SHISA9: variants seen among roughly 807,000 people sequenced by gnomAD.
SHISA9 encodes shisa family member 9, also known as protein shisa-9.
A neutral mutation model predicts 38.0 loss-of-function variants in SHISA9; 13 were observed. That is an observed-to-expected ratio of 0.34 (90% confidence interval 0.22 to 0.54). SHISA9 has a LOEUF of 0.54. Among genes scored for constraint, SHISA9 ranks in the 20% least tolerant of loss-of-function variants. The pLI is 0.91. For missense variants in SHISA9, 538 were observed against 575.8 expected, an observed-to-expected ratio of 0.93 and a Z score of 0.67; for synonymous variants, 275 against 242.0, an observed-to-expected ratio of 1.14 and a Z score of -1.27.
chr16:13,481,796 TG>T, the SHISA9 span, among the ~76,000 whole-genome samples: 1,915 of 152,262 alleles, frequency 0.013, 41 homozygotes, highest in African/African-American at 0.044. Flanking sequence ...CAAATAACAC[TG>T]AAAATGGAAG....
At chr16:13,466,051 G>A in the SHISA9 span, among the ~76,000 whole-genome samples, 15 of 152,294 alleles carry the variant, frequency 9.8e-5, no homozygotes, top group African/African-American at 2.4e-4. Context: ...GTGGATTGGG[G>A]GATGTGCACC....
chr16:13,299,312 G>A, the SHISA9 span, among the ~76,000 whole-genome samples: 3 of 152,052 alleles, frequency 2.0e-5, no homozygotes, highest in East Asian at 1.9e-4. Flanking sequence ...TTCACTCTTC[G>A]CAATCCAATG....
At chr16:13,253,523 A>G in the SHISA9 span, among the ~76,000 whole-genome samples, 2 of 152,306 alleles carry the variant, frequency 1.3e-5, no homozygotes, top group East Asian at 3.9e-4. Flanking sequence ...GGTAGAAGGT[A>G]AAAAAGAAGC....
chr16:13,484,866 C>T, the SHISA9 span, among the ~76,000 whole-genome samples: 1 of 152,152 alleles, frequency 6.6e-6, no homozygotes, highest in Non-Finnish European at 1.5e-5. Context: ...ACGTCCACTC[C>T]CATGATCCAA....
chr16:13,352,839 G>A, the SHISA9 span, among the ~76,000 whole-genome samples: 1 of 151,822 alleles, frequency 6.6e-6, no homozygotes, highest in Non-Finnish European at 1.5e-5. Context: ...GGATGAGCCA[G>A]GAAAAGGACT....
the SHISA9 span, among the ~76,000 whole-genome samples, chr16:13,431,094 C>A: frequency 2.0e-4 from 30 of 152,238 alleles, 1 homozygote; most frequent in Admixed American, 1.8e-3. Context: ...CCTCCAAGAC[C>A]CATCTCAGAT....
At chr16:13,111,661 C>T (rs2073979618) in intron 2 of SHISA9, among the ~76,000 whole-genome samples, 2 of 152,072 alleles carry the variant, frequency 1.3e-5, no homozygotes, top group South Asian at 4.1e-4. Flanking sequence ...CTTTTTGGAG[C>T]TTCTATTTAA....
the SHISA9 span, among the ~76,000 whole-genome samples, chr16:13,535,119 G>A: frequency 2.6e-5 from 4 of 152,224 alleles, no homozygotes; most frequent in East Asian, 7.7e-4. Context: ...GGTGCTGTGC[G>A]CCTGTAATCC....
At chr16:13,019,298 C>T (rs2072794119) in intron 2 of SHISA9, among the ~76,000 whole-genome samples, 1 of 152,106 alleles carries the variant, frequency 6.6e-6, no homozygotes, top group African/African-American at 2.4e-5. Context: ...CCACGCTTGG[C>T]CAGACATTTA....
At chr16:12,980,230 G>C (rs1357256087) in intron 2 of SHISA9, among the ~76,000 whole-genome samples, 1 of 152,154 alleles carries the variant, frequency 6.6e-6, no homozygotes, top group Non-Finnish European at 1.5e-5. Context: ...TCCACTGTAT[G>C]TCTCTCCTCT....
rs182681037 is a variant in SHISA9, at chr16:13,067,141, T to G, written c.692-136253T>G. 9.7e-4 allele frequency among the ~76,000 whole-genome samples: 148 copies of G among 152,304 alleles called. 4 individuals carry two copies. The highest frequency in any genetic ancestry group is 6.8e-3 in the Middle Eastern group (2 of 294). On this transcript the variant is annotated intron_variant, in intron 2 of 4. Transcript: ENST00000558583. ...TTAAACTTTGAAGTGGATAACACCTTGAAGAGACAGAGTGCATGCTTGACT... is the reference window on the plus strand; with the variant it reads ...TTAAACTTTGAAGTGGATAACACCTGGAAGAGACAGAGTGCATGCTTGACT...
At chr16:13,217,769 C>T (rs1264413974) in intron 4 of SHISA9, among the ~76,000 whole-genome samples, 1 of 152,168 alleles carries the variant, frequency 6.6e-6, no homozygotes, top group Non-Finnish European at 1.5e-5. Flanking sequence ...GTGGCTCATG[C>T]CTGTAATCCC....
At chr16:13,025,696 C>G (rs2072912017) in intron 2 of SHISA9, among the ~76,000 whole-genome samples, 1 of 152,220 alleles carries the variant, frequency 6.6e-6, no homozygotes. Context: ...ACGTAGGTCA[C>G]ATGCTGACCT....
At chr16:13,022,389 TGGCACGGTCTTG>T (rs2072868149) in intron 2 of SHISA9, among the ~76,000 whole-genome samples, 1 of 152,100 alleles carries the variant, frequency 6.6e-6, no homozygotes, top group African/African-American at 2.4e-5. Flanking sequence ...TGGAGTGCAG[TGGCACGGTCTTG>T]GCTCACTGCA....
the SHISA9 span, among the ~76,000 whole-genome samples, chr16:13,447,705 G>A: frequency 2.0e-5 from 3 of 152,194 alleles, no homozygotes; most frequent in Non-Finnish European, 4.4e-5. Flanking sequence ...GAATGGCCAG[G>A]CTAATGAGAC....
chr16:13,406,475 C>G, the SHISA9 span, among the ~76,000 whole-genome samples: 1 of 152,180 alleles, frequency 6.6e-6, no homozygotes, highest in East Asian at 1.9e-4. Flanking sequence ...GAAATGTGCT[C>G]TCTAGACTCA....
chr16:13,052,959 CTTTT>C (rs925020167), intron 2 of SHISA9, among the ~76,000 whole-genome samples: 1 of 106,080 alleles, frequency 9.4e-6, no homozygotes, highest in African/African-American at 3.8e-5. Context: ...TCCTTCCTTT[CTTTT>C]TTTTTTTTTT....
chr16:13,401,004 T>A, the SHISA9 span, among the ~76,000 whole-genome samples: 2 of 152,200 alleles, frequency 1.3e-5, no homozygotes, highest in East Asian at 3.9e-4. Context: ...AGCTTAAGCA[T>A]GCATCCTGGG....
At chr16:13,520,320 C>A in the SHISA9 span, among the ~76,000 whole-genome samples, 2 of 152,064 alleles carry the variant, frequency 1.3e-5, no homozygotes, top group African/African-American at 4.8e-5. Context: ...TTCTAGGGGG[C>A]CAGGCGTGGT....
Sources: gnomAD v4.1 joint callset for allele counts (sites outside exome capture counted in the v4.1 genomes callset) on GRCh38, gnomAD v4.1.1 for gene constraint, MANE v1.5 for transcripts, NCBI Gene and HGNC (gene_info 2026-07-23, HGNC 2026-07-21) for gene names.